RGS6: variants seen among roughly 807,000 people sequenced by gnomAD.
The protein encoded by RGS6 is regulator of G protein signaling 6, also known as regulator of G-protein signaling 6.
Under a neutral mutation model 78.5 loss-of-function variants are expected in RGS6, and 30 were observed. That is an observed-to-expected ratio of 0.38 (90% CI 0.29 to 0.52). The LOEUF (loss-of-function observed/expected upper bound fraction) is 0.52, where lower values mean the gene tolerates loss of function less well. Ranked by LOEUF, RGS6 falls within the 20% of genes least tolerant of loss-of-function variation. RGS6 has a pLI of 0.85. For missense variants in RGS6, 495 were observed against 609.7 expected, an observed-to-expected ratio of 0.81 and a Z score of 1.98; for synonymous variants, 206 against 206.0, an observed-to-expected ratio of 1.00 and a Z score of 0.00.
chr14:72,117,438 C>T lies in RGS6; in HGVS notation c.84+152563C>T, dbSNP rs79106512. ...CATGTGATGCATTGGCTCCCCCCCA[C>T]CCTTCACCTTTCACCATGATTGTAG... On this transcript the variant is annotated intron_variant, in intron 2 of 17. Transcript: ENST00000553525. 5.9e-5 allele frequency among the ~76,000 whole-genome samples: 9 copies of T among 152,134 alleles called. No homozygotes were observed. The East Asian group carries it at 1.2e-3, about 20-fold the overall frequency.
intron 2 of RGS6, among the ~76,000 whole-genome samples, chr14:72,091,231 C>T (rs1028930924): frequency 1.3e-5 from 2 of 152,158 alleles, no homozygotes; most frequent in African/African-American, 4.8e-5. Flanking sequence ...TTGGGCCATT[C>T]TCTGTGTGGT....
rs964994922 is a variant in RGS6, at chr14:72,562,537, C to T, written c.*70C>T. On this transcript the variant is annotated 3_prime_UTR_variant, in exon 18 of 18. Transcript: ENST00000553525. Reference sequence around the variant, plus strand: ...GGCAGGCGGCGGCGCTCCACATCTGCGGACAGAGTTTCCTTACGAGGAGAC... The same window carrying T: ...GGCAGGCGGCGGCGCTCCACATCTGTGGACAGAGTTTCCTTACGAGGAGAC... The T allele has an allele frequency of 9.4e-6, 15 of 1,597,658 alleles. No homozygotes were observed. The highest frequency in any genetic ancestry group is 2.7e-5 in the African/African-American group (2 of 74,652).
chr14:72,425,591 A>G (rs901930669), intron 3 of RGS6, among the ~76,000 whole-genome samples: 3 of 152,270 alleles, frequency 2.0e-5, no homozygotes, highest in Non-Finnish European at 4.4e-5. Flanking sequence ...AATCTCACTT[A>G]TAAAAACATA....
intron 17 of RGS6, among the ~76,000 whole-genome samples, chr14:72,561,830 A>G (rs570331188): frequency 1.3e-5 from 2 of 152,346 alleles, no homozygotes; most frequent in African/African-American, 4.8e-5. Flanking sequence ...CCTGGGGCCT[A>G]CAGTGGCTCT....
At chr14:72,414,565 CAA>C (rs1206425726) in intron 3 of RGS6, among the ~76,000 whole-genome samples, 1 of 152,242 alleles carries the variant, frequency 6.6e-6, no homozygotes, top group Non-Finnish European at 1.5e-5. Flanking sequence ...CTCAACTCGT[CAA>C]AGTCATTCTC....
chr14:72,387,487 T>A lies in RGS6; in HGVS notation c.184+35293T>A, dbSNP rs925720839. On this transcript the variant is annotated intron_variant, in intron 3 of 17. Coordinates refer to ENST00000553525, the MANE Select transcript of RGS6 (RefSeq NM_001204424.2). ...TGGCGTGAACCCAGGAGGCAGAGCT[T>A]GCAGTGAGCCGAGATCGCACCACTG... Among the ~76,000 whole-genome samples, 4 of 151,422 alleles carry A rather than the reference T, an allele frequency of 2.6e-5. No homozygotes were observed. In the South Asian group the frequency reaches 8.3e-4, roughly 32 times the overall value.
intron 2 of RGS6, among the ~76,000 whole-genome samples, chr14:72,127,699 C>T (rs891481640): frequency 6.6e-6 from 1 of 152,096 alleles, no homozygotes; most frequent in Non-Finnish European, 1.5e-5. Context: ...TTACCCTGTT[C>T]CCTCAATGGT....
At chr14:72,220,412 G>C (rs1015948144) in intron 2 of RGS6, among the ~76,000 whole-genome samples, 1 of 152,140 alleles carries the variant, frequency 6.6e-6, no homozygotes, top group Non-Finnish European at 1.5e-5. Flanking sequence ...TTGCAACTAA[G>C]AGTAGTAATT....
At chr14:72,213,551 C>T (rs1567487497) in intron 2 of RGS6, among the ~76,000 whole-genome samples, 1 of 152,176 alleles carries the variant, frequency 6.6e-6, no homozygotes, top group Non-Finnish European at 1.5e-5. Flanking sequence ...AGCCTGTAAA[C>T]TTTGACTCAT....
At chr14:72,529,378 G>A (rs201375517) in intron 15 of RGS6, among the ~76,000 whole-genome samples, 2 of 152,184 alleles carry the variant, frequency 1.3e-5, no homozygotes, top group East Asian at 3.8e-4. Flanking sequence ...GCTAGCAGTG[G>A]GATTGGTGTG....
chr14:72,539,126 T>G (rs116617932), intron 16 of RGS6, among the ~76,000 whole-genome samples: 1,623 of 152,242 alleles, frequency 0.011, 30 homozygotes, highest in African/African-American at 0.036. Context: ...CTAGGAAATG[T>G]GGGGTGAAAG....
At chr14:72,283,204 T>C (rs1449563061) in intron 2 of RGS6, among the ~76,000 whole-genome samples, 1 of 152,254 alleles carries the variant, frequency 6.6e-6, no homozygotes, top group Non-Finnish European at 1.5e-5. Context: ...TTTCTATATC[T>C]TGACTATTGT....
At chr14:72,127,965 A>G (rs552995433) in intron 2 of RGS6, among the ~76,000 whole-genome samples, 65 of 152,316 alleles carry the variant, frequency 4.3e-4, no homozygotes, top group African/African-American at 1.4e-3. Flanking sequence ...ATAATTGCCC[A>G]AGATTCATCC....
At chr14:72,393,173 T>A (rs1181700739) in intron 3 of RGS6, among the ~76,000 whole-genome samples, 1 of 152,206 alleles carries the variant, frequency 6.6e-6, no homozygotes, top group Admixed American at 6.5e-5. Context: ...GCCACCCCTA[T>A]GCATGAAGAT....
At chr14:72,619,506 C>A in the RGS6 span, 1 of 954,052 alleles carries the variant, frequency 1.0e-6, no homozygotes, top group Non-Finnish European at 1.6e-6. Flanking sequence ...TGAAAACGTG[C>A]CAGAGTCTGT....
intron 14 of RGS6, among the ~76,000 whole-genome samples, chr14:72,516,503 G>T (rs1370660284): frequency 6.6e-6 from 1 of 152,202 alleles, no homozygotes; most frequent in Non-Finnish European, 1.5e-5. Flanking sequence ...GAGCACCCAG[G>T]ACTTGTGGCT....
intron 2 of RGS6, among the ~76,000 whole-genome samples, chr14:72,112,270 G>C (rs759892319): frequency 2.0e-5 from 3 of 152,080 alleles, no homozygotes; most frequent in Non-Finnish European, 2.9e-5. Context: ...TACCACTTAC[G>C]TTTGCATTTC....
At position 72,483,230 on chromosome 14, in the gene RGS6, G is replaced by T. The variant is rs531375108; in HGVS notation, c.854+4901G>T. ...CTGCGATTCCCCAGAGACTTCTCCC[G>T]ACCCATAGCGAGCTTACACCACAAT... On this transcript the variant is annotated intron_variant, in intron 12 of 17. Coordinates refer to ENST00000553525, the MANE Select transcript of RGS6 (RefSeq NM_001204424.2). Among the ~76,000 whole-genome samples the T allele has an allele frequency of 3.2e-4, 48 of 152,250 alleles. 1 individual carries two copies. The highest frequency in any genetic ancestry group is 8.3e-4 in the South Asian group (4 of 4,814).
At chr14:72,140,290 A>C (rs1259693396) in intron 2 of RGS6, among the ~76,000 whole-genome samples, 3 of 151,602 alleles carry the variant, frequency 2.0e-5, no homozygotes, top group African/African-American at 4.8e-5. Context: ...CCCTATTACT[A>C]TTTCAGCTTT....
Sources: gnomAD v4.1 joint callset for allele counts (sites outside exome capture counted in the v4.1 genomes callset) on GRCh38, gnomAD v4.1.1 for gene constraint, MANE v1.5 for transcripts, NCBI Gene and HGNC (gene_info 2026-07-23, HGNC 2026-07-21) for gene names.